Variants in ADARB2 observed in about 807,000 individuals in gnomAD.
ADARB2 encodes the protein inactive double-stranded RNA-specific editase B2.
ADARB2 carries 25 observed loss-of-function variants against 62.2 expected under a neutral mutation model. That is an observed-to-expected ratio of 0.40 (90% CI 0.29 to 0.56). The LOEUF is 0.56. Among genes scored for constraint, ADARB2 ranks in the 20% least tolerant of loss-of-function variants. ADARB2 has a pLI of 0.43. For missense variants in ADARB2, 1,071 were observed against 1,077.4 expected (o/e 0.99, Z 0.08); for synonymous variants, 572 against 500.8 (o/e 1.14, Z -1.90).
rs1456916757 is a variant in ADARB2, at chr10:1,374,396, G to A, written c.187+4678C>T. On this transcript the variant is annotated intron_variant, in intron 2 of 9. Transcript: ENST00000381312. ...ATACGCACGTGACCTTGTTTGATAC[G>A]GTGTCCGGAATGTGGTGCTAAGTCT... 3.3e-5 allele frequency among the ~76,000 whole-genome samples: 5 copies of A among 152,174 alleles called. No homozygotes were observed. In the East Asian group the frequency reaches 7.7e-4, roughly 23 times the overall value.
intron 1 of ADARB2, among the ~76,000 whole-genome samples, chr10:1,443,508 T>A (rs936321767): frequency 1.3e-5 from 2 of 152,214 alleles, no homozygotes; most frequent in Admixed American, 1.3e-4. Flanking sequence ...AACCATGTCC[T>A]TCAGTTTTCA....
At chr10:1,575,917 A>C (rs1041922994) in intron 1 of ADARB2, among the ~76,000 whole-genome samples, 3 of 55,446 alleles carry the variant, frequency 5.4e-5, no homozygotes, top group Non-Finnish European at 1.2e-4. Flanking sequence ...CAAGTCAGAG[A>C]GGGGCACCTA....
In ADARB2 at chr10:1,436,557, C is replaced by A. The variant is rs1215939543; in HGVS notation, c.101-57397G>T. Among the ~76,000 whole-genome samples, 7 of 152,122 alleles carry A rather than the reference C, an allele frequency of 4.6e-5. No individual in the cohort carries two copies. In the South Asian group the frequency reaches 1.4e-3, roughly 31 times the overall value. On this transcript the variant is annotated intron_variant, in intron 1 of 9. Coordinates refer to ENST00000381312, the MANE Select transcript of ADARB2 (RefSeq NM_018702.4). Reference sequence around the variant, plus strand: ...AACCATCTTTATAATAATAAAAAGGCATTTATATTATGAACACTTAATTTT... The same window carrying A: ...AACCATCTTTATAATAATAAAAAGGAATTTATATTATGAACACTTAATTTT...
chr10:1,368,386 C>T (rs1454542716), intron 2 of ADARB2, among the ~76,000 whole-genome samples: 2 of 152,180 alleles, frequency 1.3e-5, no homozygotes, highest in African/African-American at 4.8e-5. Flanking sequence ...AGACACTTCT[C>T]ATCCTCCTCT....
chr10:1,703,339 C>T (rs1834847657), intron 1 of ADARB2, among the ~76,000 whole-genome samples: 1 of 150,858 alleles, frequency 6.6e-6, no homozygotes, highest in Admixed American at 6.6e-5. Flanking sequence ...GAGGATGGGG[C>T]CTGTGGGGAC....
At chr10:1,293,335 C>G (rs10794735) in intron 3 of ADARB2, among the ~76,000 whole-genome samples, 47,885 of 121,776 alleles carry the variant, frequency 0.39, 8,849 homozygotes, top group East Asian at 0.5. Flanking sequence ...GGGAAGAGGG[C>G]AGAGAGGGAG....
intron 1 of ADARB2, among the ~76,000 whole-genome samples, chr10:1,620,427 A>G (rs1434229673): frequency 6.6e-6 from 1 of 152,232 alleles, no homozygotes; most frequent in Non-Finnish European, 1.5e-5. Context: ...TCCAAAAATG[A>G]CTAAAGAGGA....
chr10:1,693,919 C>T (rs566691129), intron 1 of ADARB2, among the ~76,000 whole-genome samples: 174 of 152,322 alleles, frequency 1.1e-3, no homozygotes, highest in African/African-American at 4.0e-3. Flanking sequence ...CCTGGTCCAC[C>T]CCACAGGGTT....
chr10:1,502,822 A>C (rs2131939162), intron 1 of ADARB2, among the ~76,000 whole-genome samples: 1 of 152,372 alleles, frequency 6.6e-6, no homozygotes, highest in African/African-American at 2.4e-5. Flanking sequence ...TTGCATTAAA[A>C]ATCTTTAAGC....
At chr10:1,373,759 A>G (rs11250475) in intron 2 of ADARB2, among the ~76,000 whole-genome samples, 6,244 of 63,134 alleles carry the variant, frequency 0.099, 464 homozygotes, top group East Asian at 0.26. Flanking sequence ...TGTGGACTCC[A>G]TGCACCTTTC....
intron 1 of ADARB2, among the ~76,000 whole-genome samples, chr10:1,598,205 A>G (rs1214791399): frequency 6.6e-6 from 1 of 151,612 alleles, no homozygotes; most frequent in Non-Finnish European, 1.5e-5. Context: ...GCACCGAGAC[A>G]TTCCCTGCTG....
intron 4 of ADARB2, among the ~76,000 whole-genome samples, chr10:1,244,838 G>C (rs1830968132): frequency 6.6e-6 from 1 of 152,230 alleles, no homozygotes; most frequent in Admixed American, 6.5e-5. Flanking sequence ...ATGGTGGTCA[G>C]AGGCACGGAT....
At chr10:1,298,988 A>G (rs2387643) in intron 3 of ADARB2, among the ~76,000 whole-genome samples, 70,137 of 151,254 alleles carry the variant, frequency 0.46, 17,739 homozygotes, top group East Asian at 0.8. Context: ...CAAGTGATCC[A>G]CCTGCCTTGG....
chr10:1,406,905 G>A (rs1041410610), intron 1 of ADARB2, among the ~76,000 whole-genome samples: 1 of 152,186 alleles, frequency 6.6e-6, no homozygotes, highest in Non-Finnish European at 1.5e-5. Context: ...GAAAAGAGGA[G>A]GAGCTTATGC....
chr10:1,289,278 C>T (rs191695116), intron 3 of ADARB2, among the ~76,000 whole-genome samples: 56 of 152,368 alleles, frequency 3.7e-4, no homozygotes, highest in Non-Finnish European at 5.0e-4. Context: ...GTCAATCCTA[C>T]ACGTATTGAA....
rs569933486 is a variant in ADARB2, at chr10:1,669,765, A to G, written c.100+67286T>C. 3.3e-3 allele frequency among the ~76,000 whole-genome samples: 502 copies of G among 150,908 alleles called. 4 individuals carry two copies. Among genetic ancestry groups the G allele is most frequent in the African/African-American group, 0.012 (474 of 41,094 alleles). ...ACAAACACAGACACACTCATAGAGA[A>G]AAACACACAGACACAAACACACAGA... On this transcript the variant is annotated intron_variant, in intron 1 of 9. Coordinates refer to ENST00000381312, the MANE Select transcript of ADARB2 (RefSeq NM_018702.4).
chr10:1,651,718 T>C (rs555055427), intron 1 of ADARB2, among the ~76,000 whole-genome samples: 1 of 152,064 alleles, frequency 6.6e-6, no homozygotes, highest in South Asian at 2.1e-4. Context: ...AGCGGGGCCT[T>C]ACTGCCTGAG....
chr10:1,253,970 T>G (rs981551256), intron 4 of ADARB2, among the ~76,000 whole-genome samples: 9 of 151,066 alleles, frequency 6.0e-5, no homozygotes, highest in Admixed American at 4.6e-4. Flanking sequence ...GGTTCTGTGT[T>G]TAGGATGAGG....
intron 1 of ADARB2, among the ~76,000 whole-genome samples, chr10:1,684,372 G>A (rs1018607404): frequency 2.0e-5 from 3 of 152,148 alleles, no homozygotes; most frequent in Non-Finnish European, 4.4e-5. Context: ...AGAATGTGAA[G>A]TGTTTGTTAT....
Sources: allele counts gnomAD v4.1 joint callset (sites outside exome capture counted in the v4.1 genomes callset), GRCh38; gene constraint gnomAD v4.1.1; transcripts MANE v1.5; gene names NCBI Gene and HGNC (gene_info 2026-07-23, HGNC 2026-07-21).